Variants in ZEB2 observed in about 807,000 individuals in gnomAD.
ZEB2 encodes zinc finger E-box binding homeobox 2.
A neutral mutation model predicts 99.9 loss-of-function variants in ZEB2; 6 were observed. That is an observed-to-expected ratio of 0.06 (90% CI 0.03 to 0.12). The LOEUF is 0.12. Ranked by LOEUF, ZEB2 falls within the 10% of genes least tolerant of loss-of-function variation. The probability of loss-of-function intolerance (pLI) is 1.00; values close to 1 mark genes in which losing one functional copy is unlikely to be tolerated. For synonymous variants in ZEB2, 517 were observed against 542.5 expected (o/e 0.95, Z 0.65); for missense variants, 969 against 1,502.8 (o/e 0.64, Z 5.87).
At chr2:144,456,454 G>T (rs1448308627) in intron 2 of ZEB2, among the ~76,000 whole-genome samples, 1 of 151,896 alleles carries the variant, frequency 6.6e-6, no homozygotes, top group Non-Finnish European at 1.5e-5. Flanking sequence ...TTTTCTTCAA[G>T]CAATGAGAAT....
chr2:144,399,481 T>C lies in ZEB2; in HGVS notation c.1706A>G (p.Asp569Gly), dbSNP rs1269927865. The C allele has an allele frequency of 6.2e-7, 1 of 1,614,104 alleles. No homozygotes were observed. Among genetic ancestry groups the C allele is most frequent in the Non-Finnish European group, 8.5e-7 (1 of 1,180,040 alleles). ...TATGTTGTGGTTCTCAATCATTTTG[T>C]CATCAGTGACCAAATCTATTAAAGT... is the stretch of plus-strand genomic sequence containing the variant. ...LRTLIDLVTD[D>G]KMIENHNIST... Residue 569 changes from aspartate (D) to glycine (G), a missense_variant, in exon 8 of 10, where the codon GAC becomes GGC. Physicochemically the swap from Asp to Gly is moderately conservative, Grantham distance 94 (BLOSUM62 -1). Around this residue, in one of 8 missense-constraint regions of ZEB2, gnomAD observed 227 missense variants for 278.2 expected, o/e 0.82. Coordinates refer to ENST00000627532, the MANE Select transcript of ZEB2 (RefSeq NM_014795.4). The surrounding 1 kb of genome is among the most constrained non-coding windows in gnomAD (Gnocchi z 5.6).
chr2:144,513,166 C>A, intron 2 of ZEB2: 2 of 1,286,040 alleles, frequency 1.6e-6, no homozygotes, highest in Non-Finnish European at 2.0e-6. Context: ...ATCTCTGAAA[C>A]GGGAGCAACT....
chr2:144,458,614 GA>G (rs1306172642), intron 2 of ZEB2, among the ~76,000 whole-genome samples: 4 of 151,426 alleles, frequency 2.6e-5, no homozygotes, highest in Admixed American at 6.6e-5. Flanking sequence ...CTAAGAGAAT[GA>G]AAAAAAAATC....
chr2:144,449,469 A>T (rs1573759917), intron 2 of ZEB2, among the ~76,000 whole-genome samples: 1 of 152,186 alleles, frequency 6.6e-6, no homozygotes, highest in Non-Finnish European at 1.5e-5. Flanking sequence ...CAACAATGCT[A>T]ACAAAACCCA....
Position 144,510,043 on chromosome 2 carries a change from GA to G in ZEB2, c.73+7234del, listed in dbSNP as rs201083810. On this transcript the variant is annotated intron_variant, in intron 2 of 9. Coordinates refer to ENST00000627532, the MANE Select transcript of ZEB2 (RefSeq NM_014795.4). ...AATGTTAAACATACTAAAAAAATCT[GA>G]AAAAAAAGTATGGAGAAGGTGTGAA... 7.9e-3 allele frequency among the ~76,000 whole-genome samples: 1,203 copies of G among 151,590 alleles called. 12 individuals carry two copies. The highest frequency in any genetic ancestry group is 0.013 in the Non-Finnish European group (899 of 67,852).
At chr2:144,413,816 C>G (rs537763989) in intron 4 of ZEB2, among the ~76,000 whole-genome samples, 5 of 152,302 alleles carry the variant, frequency 3.3e-5, no homozygotes, top group African/African-American at 1.2e-4. Context: ...TATAATCAAA[C>G]TTGTATCGCT....
intron 2 of ZEB2, among the ~76,000 whole-genome samples, chr2:144,509,228 G>A (rs1704995406): frequency 6.6e-6 from 1 of 152,170 alleles, no homozygotes; most frequent in Non-Finnish European, 1.5e-5. Flanking sequence ...TAATATCACA[G>A]CTGCCTGGTA....
At chr2:144,464,181 G>A (rs1323797022) in intron 2 of ZEB2, 4 of 152,130 alleles carry the variant, frequency 2.6e-5, no homozygotes, top group Admixed American at 6.6e-5. Flanking sequence ...TATCCTTAGG[G>A]AGAGCTGCTT....
At chr2:144,398,173 G>T (rs757377447) in intron 8 of ZEB2, 128 bp downstream of exon 8, 2 of 1,240,724 alleles carry the variant, frequency 1.6e-6, no homozygotes, top group Non-Finnish European at 2.3e-6. Flanking sequence ...ATGGTTTTAG[G>T]TTCATGTTAA....
intron 2 of ZEB2, among the ~76,000 whole-genome samples, chr2:144,472,339 T>A (rs1178047251): frequency 6.6e-6 from 1 of 152,138 alleles, no homozygotes; most frequent in African/African-American, 2.4e-5. Context: ...CCCTGATTTC[T>A]AAGACATAAA....
chr2:144,515,229 A>G (rs1337722295), intron 2 of ZEB2, among the ~76,000 whole-genome samples: 1 of 152,222 alleles, frequency 6.6e-6, no homozygotes, highest in Non-Finnish European at 1.5e-5. Flanking sequence ...GTTTAACAGA[A>G]GAGGGAAAAA....
intron 1 of ZEB2, chr2:144,517,997 C>A: frequency 3.6e-6 from 1 of 275,052 alleles, no homozygotes. Context: ...TCTTCCTCCC[C>A]CCACCCTCGC....
chr2:144,393,316 C>CA (rs1450734065), intron 9 of ZEB2, among the ~76,000 whole-genome samples: 1 of 151,834 alleles, frequency 6.6e-6, no homozygotes, highest in African/African-American at 2.4e-5. Context: ...TAAATTGAGG[C>CA]AAAAAAAGCA....
intron 2 of ZEB2, among the ~76,000 whole-genome samples, chr2:144,456,566 T>G (rs1474425135): frequency 6.6e-6 from 1 of 152,130 alleles, no homozygotes; most frequent in African/African-American, 2.4e-5. Context: ...CACAAATTCT[T>G]TAATATACTG....
intron 2 of ZEB2, among the ~76,000 whole-genome samples, chr2:144,483,085 CAGAG>C (rs960967965): frequency 5.4e-5 from 8 of 147,636 alleles, no homozygotes; most frequent in East Asian, 4.0e-4. Context: ...TTGTTCATGA[CAGAG>C]AGAGAGAAAA....
At chr2:144,393,451 AATG>A (rs1703178627) in intron 9 of ZEB2, among the ~76,000 whole-genome samples, 1 of 152,348 alleles carries the variant, frequency 6.6e-6, no homozygotes, top group East Asian at 1.9e-4. Flanking sequence ...TGCATAATGA[AATG>A]ATGATTCAAT....
chr2:144,431,148 G>A (rs941940140), intron 2 of ZEB2: 2 of 152,178 alleles, frequency 1.3e-5, no homozygotes, highest in Non-Finnish European at 2.9e-5. Flanking sequence ...GGTTCATTTT[G>A]ATTTCTCTGC....
chr2:144,441,209 A>AGAGAGAGAGAGAGAGAC (rs1553965039), intron 2 of ZEB2, among the ~76,000 whole-genome samples: 2 of 24,274 alleles, frequency 8.2e-5, no homozygotes, highest in African/African-American at 2.1e-4. Context: ...GAGAGAGAGA[A>AGAGAGAGAGAGAGAGAC]CCTCATGCCT....
intron 2 of ZEB2, among the ~76,000 whole-genome samples, chr2:144,509,936 A>C (rs2149929784): frequency 6.6e-6 from 1 of 152,314 alleles, no homozygotes; most frequent in African/African-American, 2.4e-5. Context: ...TTTCTCTCAC[A>C]AGAGAACGTG....
Sources: allele counts gnomAD v4.1 joint callset (sites outside exome capture counted in the v4.1 genomes callset), GRCh38; gene constraint gnomAD v4.1.1; regional missense constraint gnomAD v4.1.1; non-coding constraint Gnocchi (gnomAD v3.1); transcripts MANE v1.5; gene names NCBI Gene and HGNC (gene_info 2026-07-23, HGNC 2026-07-21).